The following ADAMTSL3 variants were observed in gnomAD, a reference collection of about 807,000 sequenced individuals.
ADAMTSL3 encodes ADAMTS like 3, also known as ADAMTS-like protein 3.
In ADAMTSL3, 128 loss-of-function variants were observed where a neutral mutation model predicts 201.7. The ratio of observed to expected loss-of-function variants is 0.63; its 90% confidence interval spans 0.55 to 0.73. The LOEUF is 0.73. Among genes scored for constraint, ADAMTSL3 ranks in the 30% least tolerant of loss-of-function variants. The pLI, the probability that ADAMTSL3 is intolerant of heterozygous loss-of-function variation, is 0.00. For missense variants in ADAMTSL3, 1,990 were observed against 2,119.6 expected, an observed-to-expected ratio of 0.94 and a Z score of 1.20; for synonymous variants, 738 against 748.4, an observed-to-expected ratio of 0.99 and a Z score of 0.23.
chr15:83,692,878 G>A (rs952080277), intron 2 of ADAMTSL3, among the ~76,000 whole-genome samples: 1 of 151,918 alleles, frequency 6.6e-6, no homozygotes, highest in African/African-American at 2.4e-5. Flanking sequence ...TTCTTCTCTT[G>A]GAAGGCTGCA....
chr15:83,710,876 G>A (rs1052509650), intron 3 of ADAMTSL3, among the ~76,000 whole-genome samples: 1 of 152,150 alleles, frequency 6.6e-6, no homozygotes, highest in Non-Finnish European at 1.5e-5. Flanking sequence ...GAGGAACAGT[G>A]TCTTGTCCAA....
At chr15:83,752,148 A>G (rs941461494) in intron 3 of ADAMTSL3, among the ~76,000 whole-genome samples, 3 of 152,222 alleles carry the variant, frequency 2.0e-5, no homozygotes, top group Admixed American at 6.5e-5. Context: ...TGGAAAATCA[A>G]ATCAGTGGTA....
At chr15:84,008,032 A>G (rs2067926647) in intron 23 of ADAMTSL3, among the ~76,000 whole-genome samples, 1 of 152,144 alleles carries the variant, frequency 6.6e-6, no homozygotes, top group Non-Finnish European at 1.5e-5. Context: ...CATTCTCCAT[A>G]CCATTACCTT....
At chr15:84,030,555 A>G (rs1293501588) in intron 27 of ADAMTSL3, among the ~76,000 whole-genome samples, 1 of 152,146 alleles carries the variant, frequency 6.6e-6, no homozygotes, top group African/African-American at 2.4e-5. Flanking sequence ...GAAGTAACTA[A>G]CTTACTTTTC....
intron 2 of ADAMTSL3, among the ~76,000 whole-genome samples, chr15:83,668,747 G>A (rs2061283668): frequency 6.6e-6 from 1 of 152,006 alleles, no homozygotes; most frequent in African/African-American, 2.4e-5. Context: ...TTTTGGTTCT[G>A]TTTCTTGCTA....
chr15:83,866,637 A>G (rs982263568), intron 8 of ADAMTSL3, among the ~76,000 whole-genome samples: 1 of 152,156 alleles, frequency 6.6e-6, no homozygotes, highest in Non-Finnish European at 1.5e-5. Flanking sequence ...GAGGGATAGC[A>G]TTAGGAGATA....
intron 2 of ADAMTSL3, among the ~76,000 whole-genome samples, chr15:83,669,294 C>T (rs984360018): frequency 6.6e-6 from 1 of 151,740 alleles, no homozygotes; most frequent in East Asian, 1.9e-4. Flanking sequence ...TACAGTTGTG[C>T]ACCACCACGC....
At chr15:83,730,251 T>C (rs2062244647) in intron 3 of ADAMTSL3, among the ~76,000 whole-genome samples, 1 of 152,122 alleles carries the variant, frequency 6.6e-6, no homozygotes, top group African/African-American at 2.4e-5. Flanking sequence ...TGGAACATTA[T>C]AGAAGGCACT....
At chr15:83,785,900 G>T (rs2063255086) in intron 4 of ADAMTSL3, among the ~76,000 whole-genome samples, 1 of 151,690 alleles carries the variant, frequency 6.6e-6, no homozygotes, top group Admixed American at 6.6e-5. Context: ...CTTGAGTACA[G>T]TGGTGCGATC....
At chr15:84,037,054 C>A in intron 29 of ADAMTSL3, 67 bp downstream of exon 29, 1 of 1,493,900 alleles carries the variant, frequency 6.7e-7, no homozygotes, top group South Asian at 1.2e-5. Context: ...CTGATGCTAC[C>A]ATCACGGCAC....
intron 6 of ADAMTSL3, among the ~76,000 whole-genome samples, chr15:83,826,916 G>C (rs1047610306): frequency 3.9e-5 from 6 of 152,060 alleles, no homozygotes; most frequent in African/African-American, 1.4e-4. Flanking sequence ...ATCATTGATG[G>C]ACATTTGGGT....
intron 2 of ADAMTSL3, among the ~76,000 whole-genome samples, chr15:83,656,315 G>A (rs769034153): frequency 1.3e-5 from 2 of 152,136 alleles, no homozygotes; most frequent in African/African-American, 4.8e-5. Context: ...GAGAGGACCC[G>A]GCTCATGAAT....
chr15:83,714,204 C>A (rs1292814258), intron 3 of ADAMTSL3, among the ~76,000 whole-genome samples: 1 of 152,218 alleles, frequency 6.6e-6, no homozygotes, highest in East Asian at 1.9e-4. Context: ...TATCTTCTAG[C>A]TTGGACTTTA....
intron 8 of ADAMTSL3, among the ~76,000 whole-genome samples, chr15:83,859,825 C>T (rs891928461): frequency 1.3e-5 from 2 of 152,170 alleles, no homozygotes; most frequent in African/African-American, 4.8e-5. Flanking sequence ...GATTAATCCC[C>T]TCATGGGAGA....
Position 83,992,276 on chromosome 15 carries a change from C to T in ADAMTSL3, c.3973+1062C>T, listed in dbSNP as rs140873839. 2.3e-4 allele frequency among the ~76,000 whole-genome samples: 35 copies of T among 152,284 alleles called. No homozygotes were observed. The Middle Eastern group carries it at 0.01, about 44-fold the overall frequency. ...TCATGATCAGTTACTTGCCATGTTT[C>T]CAAAGCTGCACCTTTGGCTCTACAA... is the stretch of plus-strand genomic sequence containing the variant. On this transcript the variant is annotated intron_variant, in intron 23 of 29. Transcript: ENST00000286744.
chr15:83,823,923 T>C (rs200084640), intron 6 of ADAMTSL3, among the ~76,000 whole-genome samples: 2,324 of 105,922 alleles, frequency 0.022, 105 homozygotes, highest in East Asian at 0.11. Flanking sequence ...CTTCTTCTTC[T>C]TCTTCTTCTT....
intron 2 of ADAMTSL3, among the ~76,000 whole-genome samples, chr15:83,703,551 G>A (rs554238352): frequency 2.6e-5 from 4 of 152,250 alleles, no homozygotes; most frequent in East Asian, 1.9e-4. Context: ...TAAGTCTCAC[G>A]AGATCTGATG....
At position 83,909,363 on chromosome 15, in the gene ADAMTSL3, T is replaced by C. The variant is rs565392818; in HGVS notation, c.1701-3729T>C. Among the ~76,000 whole-genome samples the C allele has an allele frequency of 2.0e-5, 3 of 152,296 alleles. No homozygotes were observed. The South Asian group carries it at 6.2e-4, about 32-fold the overall frequency. On this transcript the variant is annotated intron_variant, in intron 15 of 29. Transcript: ENST00000286744. The stretch of plus-strand genomic sequence containing the variant: ...TTTTTATGTTCATCATTTTTATTAC[T>C]TTTTCCTGGAAGACAGTGTACCTTT...
intron 9 of ADAMTSL3, among the ~76,000 whole-genome samples, chr15:83,873,045 C>T (rs1439734146): frequency 6.9e-6 from 1 of 145,494 alleles, no homozygotes; most frequent in Non-Finnish European, 1.5e-5. Context: ...TGGCTCATGC[C>T]TGTAATCCCA....
Sources: gnomAD v4.1 joint callset for allele counts (sites outside exome capture counted in the v4.1 genomes callset) on GRCh38, gnomAD v4.1.1 for gene constraint, MANE v1.5 for transcripts, NCBI Gene and HGNC (gene_info 2026-07-23, HGNC 2026-07-21) for gene names.